The following PDXK variants were observed in gnomAD, a reference collection of about 807,000 sequenced individuals.
PDXK encodes the protein pyridoxal kinase.
In PDXK, 15 loss-of-function variants were observed where a neutral mutation model predicts 43.2. The ratio of observed to expected loss-of-function variants is 0.35; its 90% confidence interval spans 0.23 to 0.53. The LOEUF (loss-of-function observed/expected upper bound fraction) is 0.53. Among genes scored for constraint, PDXK ranks in the 20% least tolerant of loss-of-function variants. The pLI is 0.92. For missense variants in PDXK, 343 were observed against 417.0 expected (o/e 0.82, Z 1.54); for synonymous variants, 172 against 165.4 (o/e 1.04, Z -0.31).
Position 43,755,761 on chromosome 21 carries a change from A to G in PDXK, c.823A>G (p.Lys275Glu). Reference protein sequence around the residue: ...HVLQRTIQCAKAQAGEGVRPS... With the variant: ...HVLQRTIQCAEAQAGEGVRPS... ...TCTGCAGAGGACCATCCAGTGTGCAAAAGGTACGGCGGCCGGGCTGCATGG... is the reference window on the plus strand; with the variant it reads ...TCTGCAGAGGACCATCCAGTGTGCAGAAGGTACGGCGGCCGGGCTGCATGG... The change falls in exon 10 of 11, where the codon AAA (lysine) becomes GAA (glutamate). Residue 275 changes from lysine to glutamate, a missense_variant. By Grantham distance (56) the Lys-to-Glu change is moderately conservative. Transcript: ENST00000291565. 1 of 1,613,904 alleles carries G rather than the reference A, an allele frequency of 6.2e-7. No homozygotes were observed.
Position 43,756,789 on chromosome 21 carries a change from GC to G in PDXK, c.*728del, listed in dbSNP as rs1204225583. 23 of 152,190 alleles carry G rather than the reference GC, an allele frequency of 1.5e-4. No homozygotes were observed. Among genetic ancestry groups the G allele is most frequent in the African/African-American group, 5.6e-4 (23 of 41,426 alleles). The allele number at this position is 152,190 out of a possible 1,614,324, so 9.4% of individuals were successfully genotyped here. On this transcript the variant is annotated 3_prime_UTR_variant, in exon 11 of 11. Transcript: ENST00000291565. ...ACCCATCGGCATCTTCCAGGAATCCGCCGAGTGACTTGAGGAAGATGCTAAC... is the reference window on the plus strand; with the variant it reads ...ACCCATCGGCATCTTCCAGGAATCCGCGAGTGACTTGAGGAAGATGCTAAC...
intron 1 of PDXK, chr21:43,719,717 G>A (rs2083190875): frequency 1.0e-6 from 1 of 985,358 alleles, no homozygotes; most frequent in South Asian, 4.7e-5. Context: ...GCGGGCGGGC[G>A]GTGCGGCTCC....
intron 6 of PDXK, among the ~76,000 whole-genome samples, chr21:43,750,210 G>A (rs967115306): frequency 1.3e-5 from 2 of 152,250 alleles, no homozygotes; most frequent in South Asian, 4.1e-4. Context: ...GAGACCCTGC[G>A]CTGTGGCATG....
At position 43,735,691 on chromosome 21, in the gene PDXK, C is replaced by T. The variant is rs2083389497; in HGVS notation, c.142+1568C>T. Among the ~76,000 whole-genome samples the T allele has an allele frequency of 6.6e-6, 1 of 152,038 alleles. No homozygotes were observed. Among genetic ancestry groups the T allele is most frequent in the Non-Finnish European group, 1.5e-5 (1 of 67,994 alleles). ...GCCTGCTGGTTTAGGACCCCTTAGC[C>T]AGCTCAGTCTATGGCTGTGGGCTGG... On this transcript the variant is annotated intron_variant, in intron 2 of 10. Transcript: ENST00000291565. This position sits in a 1 kb window ranked among gnomAD's most constrained non-coding sequence, Gnocchi z 5.3.
Position 43,728,765 on chromosome 21 carries a change from T to C in PDXK, c.88-5304T>C, listed in dbSNP as rs536091891. On this transcript the variant is annotated intron_variant, in intron 1 of 10. Coordinates refer to ENST00000291565, the MANE Select transcript of PDXK (RefSeq NM_003681.5). ...CTGCGGGCTGCGCCTGGGCAGGGGA[T>C]GAGCTTGTGTCGCGGGCGGCAGGGG... 93 of 982,116 alleles carry C rather than the reference T, an allele frequency of 9.5e-5. No homozygotes were observed. In the Admixed American group the frequency reaches 1.0e-3, roughly 11 times the overall value. 60.8% of individuals were successfully genotyped at this position (982,116 alleles called of 1,614,324 possible).
intron 2 of PDXK, chr21:43,738,808 T>C (rs9984818): frequency 0.65 from 99,615 of 152,340 alleles, 33,235 homozygotes; most frequent in African/African-American, 0.77. Flanking sequence ...TCGCCCTGAA[T>C]ATCTGCTTCT....
chr21:43,719,547 C>T, intron 1 of PDXK, 166 bp downstream of exon 1: 3 of 963,840 alleles, frequency 3.1e-6, no homozygotes. Flanking sequence ...CTCTGCTTGG[C>T]TTGCGGGGGC....
chr21:43,733,337 G>C (rs1184672095), intron 1 of PDXK, among the ~76,000 whole-genome samples: 1 of 144,150 alleles, frequency 6.9e-6, no homozygotes, highest in East Asian at 2.0e-4. Flanking sequence ...CTTTGAACTT[G>C]AAGGTGGGAC....
rs553591640 is a variant in PDXK at position 43,756,025 on chromosome 21, G to A, written c.901G>A (p.Glu301Lys). 1 of 1,612,770 alleles carries A rather than the reference G, an allele frequency of 6.2e-7. No individual in the cohort carries two copies. Among genetic ancestry groups the A allele is most frequent in the East Asian group, 2.2e-5 (1 of 44,808 alleles). Residue 301 changes from glutamate (E) to lysine (K), a missense_variant, in exon 11 of 11, where the codon GAG becomes AAG. Glu to Lys is a moderately conservative substitution (Grantham distance 56, BLOSUM62 1). Transcript: ENST00000291565. ...LRMVQSKRDI[E>K]DPEIVVQATV... ...GATGGTGCAGAGCAAAAGGGACATC[G>A]AGGACCCAGAGATCGTCGTCCAGGC...
intron 1 of PDXK, among the ~76,000 whole-genome samples, chr21:43,722,986 C>T (rs1345142946): frequency 1.3e-5 from 2 of 152,006 alleles, no homozygotes; most frequent in African/African-American, 2.4e-5. Flanking sequence ...CACAGGCGCC[C>T]GCCACCACGC....
intron 1 of PDXK, among the ~76,000 whole-genome samples, chr21:43,726,238 C>G (rs1416926377): frequency 6.7e-6 from 1 of 150,356 alleles, no homozygotes; most frequent in Admixed American, 6.6e-5. Context: ...AAAACAAGAA[C>G]TTATCGGTCC....
rs538427061 is a variant in PDXK at position 43,732,949 on chromosome 21, T to C, written c.88-1120T>C. Among the ~76,000 whole-genome samples, 15 of 152,198 alleles carry C rather than the reference T, an allele frequency of 9.9e-5. No individual in the cohort carries two copies. Among genetic ancestry groups the C allele is most frequent in the African/African-American group, 3.6e-4 (15 of 41,514 alleles). ...TTTTGTAGAGACAGGGTTTTTGCCA[T>C]GTTGCCCAGGCTGGTCTTGAACTCC... is the stretch of plus-strand genomic sequence containing the variant. On this transcript the variant is annotated intron_variant, in intron 1 of 10. Transcript: ENST00000291565. The surrounding 1 kb of genome is among the most constrained non-coding windows in gnomAD (Gnocchi z 4.1).
Position 43,732,539 on chromosome 21 carries a change from GC to G in PDXK, c.88-1526del. ...ACTTCATTCTCGGATACGTTTGCCA[GC>G]CCCAAAGGATTAATTATCTACACAC... On this transcript the variant is annotated intron_variant, in intron 1 of 10. Transcript: ENST00000291565. This position sits in a 1 kb window ranked among gnomAD's most constrained non-coding sequence, Gnocchi z 4.1. 1 of 1,118,032 alleles carries G rather than the reference GC, an allele frequency of 8.9e-7. No individual in the cohort carries two copies. The highest frequency in any genetic ancestry group is 1.2e-5 in the South Asian group (1 of 81,282). 69.3% of individuals were successfully genotyped at this position (1,118,032 alleles called of 1,614,324 possible). A position where few individuals can be genotyped will look rare whatever the true frequency, so the allele number is the denominator to read the frequency against.
At position 43,754,145 on chromosome 21, in the gene PDXK, C is replaced by T. The variant is rs761760644; in HGVS notation, c.759+426C>T. The stretch of plus-strand genomic sequence containing the variant: ...GTGACCACGGCAGTGACCTGAGGGA[C>T]GGAAAGGCCGGAGCCGCCCTTCGGG... On this transcript the variant is annotated intron_variant, in intron 9 of 10. Coordinates refer to ENST00000291565, the MANE Select transcript of PDXK (RefSeq NM_003681.5). The surrounding 1 kb of genome is among the most constrained non-coding windows in gnomAD (Gnocchi z 5.5). 2.6e-5 allele frequency among the ~76,000 whole-genome samples: 4 copies of T among 152,164 alleles called. No individual in the cohort carries two copies. Among genetic ancestry groups the T allele is most frequent in the African/African-American group, 4.8e-5 (2 of 41,432 alleles).
At chr21:43,726,396 C>T (rs1391370090) in intron 1 of PDXK, among the ~76,000 whole-genome samples, 2 of 151,740 alleles carry the variant, frequency 1.3e-5, no homozygotes, top group African/African-American at 4.8e-5. Context: ...CTGCCTCAGC[C>T]TCCCAGGTAG....
intron 2 of PDXK, chr21:43,738,068 G>A (rs905973117): frequency 1.3e-5 from 13 of 984,600 alleles, no homozygotes; most frequent in African/African-American, 8.7e-5. Flanking sequence ...TGGCTGTTAT[G>A]GCTGAATTAC....
In PDXK at chr21:43,749,003, G is replaced by C. The variant is rs11539534; in HGVS notation, c.387G>C (p.Pro129=). The change falls in exon 6 of 11, where the codon CCG becomes CCC. Residue 129 remains proline, a synonymous_variant. Transcript: ENST00000291565. ...KWDGEGSMYV[P]EDLLPVYKEK... Reference sequence around the variant, plus strand: ...TCTCCTTTGTTGGCCAGTACGTCCCGGAGGACCTCCTTCCCGTCTACAAAG... The same window carrying C: ...TCTCCTTTGTTGGCCAGTACGTCCCCGAGGACCTCCTTCCCGTCTACAAAG... 1.2e-6 allele frequency: 2 copies of C among 1,607,228 alleles called. No individual in the cohort carries two copies. Among genetic ancestry groups the C allele is most frequent in the Non-Finnish European group, 1.7e-6 (2 of 1,173,958 alleles).
At chr21:43,729,802 G>A (rs1292793284) in intron 1 of PDXK, among the ~76,000 whole-genome samples, 1 of 151,962 alleles carries the variant, frequency 6.6e-6, no homozygotes, top group African/African-American at 2.4e-5. Context: ...AAATTAACCA[G>A]GCATGGTGAC....
intron 7 of PDXK, among the ~76,000 whole-genome samples, 178 bp from the exon 8 acceptor site, chr21:43,752,340 T>A (rs2083767862): frequency 2.6e-5 from 4 of 152,164 alleles, no homozygotes; most frequent in Admixed American, 2.0e-4. Flanking sequence ...GCTGACCAGG[T>A]GGCTGTCTTC....
Sources: gnomAD v4.1 joint callset for allele counts (sites outside exome capture counted in the v4.1 genomes callset) on GRCh38, gnomAD v4.1.1 for gene constraint, Gnocchi (gnomAD v3.1) non-coding constraint, MANE v1.5 for transcripts, NCBI Gene and HGNC (gene_info 2026-07-23, HGNC 2026-07-21) for gene names.